CSMD1: variants seen among roughly 807,000 people sequenced by gnomAD.
The protein encoded by CSMD1 is CUB and sushi domain-containing protein 1.
A neutral mutation model predicts 417.5 loss-of-function variants in CSMD1; 213 were observed. The ratio of observed to expected loss-of-function variants is 0.51; its 90% CI spans 0.46 to 0.57. The LOEUF (loss-of-function observed/expected upper bound fraction) is 0.57, where lower values mean the gene tolerates loss of function less well. CSMD1 is among the 20% of genes least tolerant of loss of function. The probability of loss-of-function intolerance (pLI) is 0.00; values close to 1 mark genes in which losing one functional copy is unlikely to be tolerated. For synonymous variants in CSMD1, 2,862 were observed against 1,736.8 expected, an observed-to-expected ratio of 1.65 and a Z score of -16.11; for missense variants, 6,923 against 4,529.7, an observed-to-expected ratio of 1.53 and a Z score of -15.17.
intron 26 of CSMD1, among the ~76,000 whole-genome samples, chr8:3,262,205 A>T (rs1389054404): frequency 2.2e-5 from 2 of 91,368 alleles, no homozygotes; most frequent in African/African-American, 3.7e-5. Context: ...ATATATATAT[A>T]TATATATATA....
chr8:4,548,777 C>T (rs191731471), intron 2 of CSMD1, among the ~76,000 whole-genome samples: 1 of 152,066 alleles, frequency 6.6e-6, no homozygotes, highest in African/African-American at 2.4e-5. Context: ...AGGTGCCTTC[C>T]TGTTAGTTCA....
chr8:4,045,317 G>A (rs928129521), intron 3 of CSMD1, among the ~76,000 whole-genome samples: 4 of 152,314 alleles, frequency 2.6e-5, no homozygotes, highest in South Asian at 2.1e-4. Flanking sequence ...GGGTTAGGCA[G>A]GTAAAAGGAC....
At chr8:3,262,187 ATAT>A (rs1563199361) in intron 26 of CSMD1, among the ~76,000 whole-genome samples, 2,818 of 46,708 alleles carry the variant, frequency 0.06, 199 homozygotes, top group East Asian at 0.1. Context: ...TCATATGAAT[ATAT>A]ATATATATAT....
intron 23 of CSMD1, among the ~76,000 whole-genome samples, chr8:3,322,307 T>C (rs927664788): frequency 1.3e-4 from 20 of 152,214 alleles, no homozygotes; most frequent in African/African-American, 4.6e-4. Flanking sequence ...TTTATTCCTT[T>C]AGGTCTGTTA....
At chr8:4,650,818 C>T (rs550000616) in intron 1 of CSMD1, among the ~76,000 whole-genome samples, 12 of 152,272 alleles carry the variant, frequency 7.9e-5, no homozygotes, top group African/African-American at 2.9e-4. Context: ...CCAAGTTTTG[C>T]TTCCAAGGTT....
chr8:3,672,447 C>T (rs1429952993), intron 7 of CSMD1, among the ~76,000 whole-genome samples: 1 of 152,116 alleles, frequency 6.6e-6, no homozygotes, highest in Non-Finnish European at 1.5e-5. Context: ...AGTGTGGGAG[C>T]TGACTTTCAA....
At chr8:3,668,177 T>C (rs570240986) in intron 7 of CSMD1, among the ~76,000 whole-genome samples, 1 of 152,260 alleles carries the variant, frequency 6.6e-6, no homozygotes, top group South Asian at 2.1e-4. Context: ...GGCTGACCTC[T>C]GAGATATGTT....
chr8:3,265,945 C>T (rs1352934655), intron 26 of CSMD1, among the ~76,000 whole-genome samples: 1 of 151,618 alleles, frequency 6.6e-6, no homozygotes, highest in Non-Finnish European at 1.5e-5. Flanking sequence ...GGAAAGGGGT[C>T]CAGTTTTGGA....
intron 1 of CSMD1, among the ~76,000 whole-genome samples, chr8:4,648,481 G>A (rs1456308422): frequency 6.6e-6 from 1 of 152,076 alleles, no homozygotes; most frequent in Non-Finnish European, 1.5e-5. Flanking sequence ...CACCATGCAT[G>A]CATGCACACA....
intron 7 of CSMD1, among the ~76,000 whole-genome samples, chr8:3,672,235 G>A (rs1390856338): frequency 2.0e-5 from 3 of 152,114 alleles, no homozygotes; most frequent in Non-Finnish European, 2.9e-5. Flanking sequence ...TTGCTCATAA[G>A]ATTTTTTAAA....
intron 12 of CSMD1, among the ~76,000 whole-genome samples, chr8:3,451,191 G>C (rs1398701460): frequency 6.6e-6 from 1 of 152,154 alleles, no homozygotes; most frequent in African/African-American, 2.4e-5. Context: ...ATTTGTTTGA[G>C]TTCATTGTAG....
chr8:3,023,611 A>G (rs1382688375), intron 51 of CSMD1, among the ~76,000 whole-genome samples: 2 of 152,132 alleles, frequency 1.3e-5, no homozygotes, highest in African/African-American at 4.8e-5. Flanking sequence ...CTAGGGACAT[A>G]TTAAAGTAGC....
At chr8:4,330,162 C>T (rs1410345551) in intron 3 of CSMD1, among the ~76,000 whole-genome samples, 2 of 147,074 alleles carry the variant, frequency 1.4e-5, no homozygotes, top group Admixed American at 1.4e-4. Flanking sequence ...AACAAATATA[C>T]AACAGGAACA....
At chr8:3,406,586 ACT>A (rs1236127219) in intron 14 of CSMD1, among the ~76,000 whole-genome samples, 1 of 152,066 alleles carries the variant, frequency 6.6e-6, no homozygotes, top group East Asian at 1.9e-4. Context: ...ATGTCAGAGG[ACT>A]CTGACATTGG....
chr8:3,992,196 C>T (rs896370288), intron 5 of CSMD1, among the ~76,000 whole-genome samples: 1 of 150,180 alleles, frequency 6.7e-6, no homozygotes, highest in Non-Finnish European at 1.5e-5. Context: ...TATTTACATT[C>T]ATATTTATTT....
At chr8:4,207,658 C>T (rs1394785566) in intron 3 of CSMD1, among the ~76,000 whole-genome samples, 1 of 152,076 alleles carries the variant, frequency 6.6e-6, no homozygotes, top group Non-Finnish European at 1.5e-5. Flanking sequence ...TGTATTCCTA[C>T]ATAAATTAGT....
intron 1 of CSMD1, among the ~76,000 whole-genome samples, chr8:4,748,134 C>T (rs554658584): frequency 2.0e-5 from 3 of 152,152 alleles, no homozygotes; most frequent in African/African-American, 2.4e-5. Context: ...ATGCTACCAA[C>T]CAACTCACAG....
At chr8:4,188,752 G>C (rs1321963226) in intron 3 of CSMD1, among the ~76,000 whole-genome samples, 1 of 151,480 alleles carries the variant, frequency 6.6e-6, no homozygotes, top group Admixed American at 6.6e-5. Context: ...AGAAAAGAAA[G>C]ATACACAGAT....
chr8:4,666,014 TG>T (rs1804897468), intron 1 of CSMD1, among the ~76,000 whole-genome samples: 1 of 152,136 alleles, frequency 6.6e-6, no homozygotes. Context: ...CAGCAGCACT[TG>T]TTGTTGTCAT....
Sources: gnomAD v4.1 joint callset for allele counts (sites outside exome capture counted in the v4.1 genomes callset) on GRCh38, gnomAD v4.1.1 for gene constraint, MANE v1.5 for transcripts, NCBI Gene and HGNC (gene_info 2026-07-23, HGNC 2026-07-21) for gene names.